Variants in SLC4A4 observed in about 807,000 individuals in gnomAD.
SLC4A4 encodes the protein solute carrier family 4 member 4.
Under a neutral mutation model 111.5 loss-of-function variants are expected in SLC4A4, and 27 were observed. The ratio of observed to expected loss-of-function variants is 0.24; its 90% CI spans 0.18 to 0.33. The LOEUF (loss-of-function observed/expected upper bound fraction) is 0.33. SLC4A4 is among the 10% of genes least tolerant of loss of function. SLC4A4 has a pLI of 1.00. For synonymous variants in SLC4A4, 443 were observed against 463.4 expected (o/e 0.96, Z 0.57); for missense variants, 909 against 1,315.5 (o/e 0.69, Z 4.78).
At chr4:71,286,347 G>T (rs1255336618) in intron 3 of SLC4A4, among the ~76,000 whole-genome samples, 1 of 152,200 alleles carries the variant, frequency 6.6e-6, no homozygotes, top group Non-Finnish European at 1.5e-5. Flanking sequence ...GATTCAGTTG[G>T]AAGTCAACAG....
chr4:71,206,181 C>A (rs1475564880), intron 1 of SLC4A4, among the ~76,000 whole-genome samples: 9 of 152,032 alleles, frequency 5.9e-5, no homozygotes, highest in Non-Finnish European at 1.2e-4. Context: ...CAAATAAGAT[C>A]ATGATTATAA....
chr4:71,317,197 C>CTGAAA (rs1726763072), intron 3 of SLC4A4, among the ~76,000 whole-genome samples: 1 of 151,892 alleles, frequency 6.6e-6, no homozygotes, highest in African/African-American at 2.4e-5. Flanking sequence ...AGTTTAGTCC[C>CTGAAA]TGAAATGAGT....
intron 1 of SLC4A4, among the ~76,000 whole-genome samples, chr4:71,087,936 C>A (rs1742238763): frequency 6.6e-6 from 1 of 151,894 alleles, no homozygotes; most frequent in Admixed American, 6.6e-5. Flanking sequence ...TGGTGCAGAG[C>A]TGAGTTCAAT....
intron 1 of SLC4A4, among the ~76,000 whole-genome samples, chr4:71,221,062 T>C (rs1407247084): frequency 6.6e-6 from 1 of 152,242 alleles, no homozygotes; most frequent in Non-Finnish European, 1.5e-5. Flanking sequence ...TTCTTTTTCA[T>C]GGCTGCATAG....
At chr4:71,500,628 T>G (rs1304932845) in intron 16 of SLC4A4, among the ~76,000 whole-genome samples, 1 of 152,154 alleles carries the variant, frequency 6.6e-6, no homozygotes, top group Non-Finnish European at 1.5e-5. Flanking sequence ...CCTTAATCCA[T>G]TTTGAATTGA....
chr4:71,562,342 T>A (rs2149255152), intron 23 of SLC4A4, among the ~76,000 whole-genome samples: 1 of 151,898 alleles, frequency 6.6e-6, no homozygotes, highest in Non-Finnish European at 1.5e-5. Flanking sequence ...ACATTACAAA[T>A]GTGGTTCTCC....
At chr4:71,146,974 G>T (rs1248602549) in intron 2 of SLC4A4, among the ~76,000 whole-genome samples, 2 of 152,116 alleles carry the variant, frequency 1.3e-5, no homozygotes, top group Non-Finnish European at 2.9e-5. Flanking sequence ...ACCCATCAGT[G>T]TGCTGTATTC....
intron 1 of SLC4A4, among the ~76,000 whole-genome samples, chr4:71,189,920 G>GT (rs1745654820): frequency 6.6e-6 from 1 of 152,152 alleles, no homozygotes; most frequent in Non-Finnish European, 1.5e-5. Context: ...ATTTCTAAGT[G>GT]TTTTTTTCTT....
Position 71,436,495 on chromosome 4 carries a change from C to A in SLC4A4, c.808-4121C>A, listed in dbSNP as rs549053887. Among the ~76,000 whole-genome samples, 14 of 152,232 alleles carry A rather than the reference C, an allele frequency of 9.2e-5. No homozygotes were observed. In the South Asian group the frequency reaches 2.9e-3, roughly 32 times the overall value. On this transcript the variant is annotated intron_variant, in intron 7 of 25. Transcript: ENST00000264485. ...ATGGGTACAGCAAACCACCACAGCACGTGTATACATATGTAACAAACCTGC... is the reference window on the plus strand; with the variant it reads ...ATGGGTACAGCAAACCACCACAGCAAGTGTATACATATGTAACAAACCTGC...
intron 16 of SLC4A4, among the ~76,000 whole-genome samples, chr4:71,514,380 T>C (rs1324359034): frequency 6.6e-6 from 1 of 152,182 alleles, no homozygotes; most frequent in Non-Finnish European, 1.5e-5. Flanking sequence ...CCCGTTTGCC[T>C]TCCATTATGA....
chr4:71,247,848 T>A (rs1177366075), intron 2 of SLC4A4, among the ~76,000 whole-genome samples: 3 of 152,032 alleles, frequency 2.0e-5, no homozygotes, highest in Non-Finnish European at 2.9e-5. Flanking sequence ...CTGCTCACTC[T>A]GAGCACTGTT....
chr4:71,504,350 C>T (rs1731199942), intron 16 of SLC4A4, among the ~76,000 whole-genome samples: 1 of 152,050 alleles, frequency 6.6e-6, no homozygotes, highest in South Asian at 2.1e-4. Context: ...TGGGTTAATT[C>T]AAAAGATGAC....
At chr4:71,261,516 A>G (rs772903650) in intron 3 of SLC4A4, among the ~76,000 whole-genome samples, 2 of 152,214 alleles carry the variant, frequency 1.3e-5, no homozygotes, top group African/African-American at 2.4e-5. Context: ...TTTGATGGCA[A>G]TGGGTTGGCT....
intron 2 of SLC4A4, among the ~76,000 whole-genome samples, chr4:71,169,408 C>T (rs1237349892): frequency 2.6e-5 from 4 of 151,898 alleles, no homozygotes; most frequent in South Asian, 2.1e-4. Flanking sequence ...TGGGGTGAGC[C>T]GATATCTCAC....
intron 2 of SLC4A4, among the ~76,000 whole-genome samples, chr4:71,179,357 C>A (rs531756004): frequency 6.7e-4 from 102 of 152,162 alleles, no homozygotes; most frequent in African/African-American, 2.4e-3. Context: ...CTGGCCAGGG[C>A]AATCAGGCAG....
intron 2 of SLC4A4, among the ~76,000 whole-genome samples, chr4:71,132,964 C>T (rs922130352): frequency 4.6e-5 from 7 of 152,202 alleles, no homozygotes; most frequent in African/African-American, 1.7e-4. Flanking sequence ...ATGGTGGGAA[C>T]TAGCAAGCCC....
intron 2 of SLC4A4, among the ~76,000 whole-genome samples, chr4:71,093,670 T>A (rs1742453212): frequency 7.6e-6 from 1 of 131,352 alleles, no homozygotes; most frequent in African/African-American, 2.9e-5. Context: ...ATTGCTATTG[T>A]TGTTGTTGGT....
chr4:71,395,790 G>A lies in SLC4A4; in HGVS notation c.731-1787G>A, dbSNP rs533535590. The stretch of plus-strand genomic sequence containing the variant: ...GGAAAACTGCTTTAAATTTATTTCA[G>A]TACTGCCACTTACATATAAATTATT... On this transcript the variant is annotated intron_variant, in intron 6 of 25. Transcript: ENST00000264485. 2.0e-5 allele frequency among the ~76,000 whole-genome samples: 3 copies of A among 152,194 alleles called. No individual in the cohort carries two copies. In the South Asian group the frequency reaches 6.2e-4, roughly 32 times the overall value.
chr4:71,084,349 C>T (rs1742084677), intron 1 of SLC4A4, among the ~76,000 whole-genome samples: 1 of 151,982 alleles, frequency 6.6e-6, no homozygotes, highest in Admixed American at 6.6e-5. Flanking sequence ...CCTCCACGAA[C>T]CTATTCAACT....
Sources: gnomAD v4.1 joint callset for allele counts (sites outside exome capture counted in the v4.1 genomes callset) on GRCh38, gnomAD v4.1.1 for gene constraint, MANE v1.5 for transcripts, NCBI Gene and HGNC (gene_info 2026-07-23, HGNC 2026-07-21) for gene names.